OR2C1: variants seen among roughly 807,000 people sequenced by gnomAD.
OR2C1 encodes olfactory receptor 2C1.
For missense variants in OR2C1, 468 were observed against 388.3 expected (o/e 1.21, Z -1.73); for synonymous variants, 209 against 167.3 (o/e 1.25, Z -1.92).
the OR2C1 span, among the ~76,000 whole-genome samples, chr16:3,349,947 G>A: frequency 1.3e-5 from 2 of 151,936 alleles, no homozygotes; most frequent in South Asian, 2.1e-4. Flanking sequence ...TAGGCGAAAG[G>A]TTGGCGGTGA....
the OR2C1 span, among the ~76,000 whole-genome samples, chr16:3,340,186 G>A: frequency 6.6e-6 from 1 of 151,984 alleles, no homozygotes; most frequent in Non-Finnish European, 1.5e-5. Flanking sequence ...GGCTGAGGTG[G>A]GAGAATTGCT....
chr16:3,355,075 C>G (rs143329555), upstream of OR2C1, among the ~76,000 whole-genome samples: 40 of 152,240 alleles, frequency 2.6e-4, no homozygotes, highest in South Asian at 1.0e-3. Context: ...TGAGGCACTT[C>G]CTTCATTTCC....
At chr16:3,349,358 G>A in the OR2C1 span, among the ~76,000 whole-genome samples, 99 of 150,984 alleles carry the variant, frequency 6.6e-4, 1 homozygote, top group East Asian at 0.013. Flanking sequence ...TTGTGCGGGC[G>A]TGGAGATCTA....
At position 3,357,048 on chromosome 16, in the gene OR2C1, C is replaced by T. The variant is rs1596415472; in HGVS notation, c.*169C>T. The T allele has an allele frequency of 2.1e-5, 13 of 632,748 alleles. 1 individual carries two copies. In the East Asian group the frequency reaches 3.1e-4, roughly 15 times the overall value. The allele number at this position is 632,748 out of a possible 1,614,324, so 39.2% of individuals were successfully genotyped here. A position where few individuals can be genotyped will look rare whatever the true frequency, so the allele number is the denominator to read the frequency against. On this transcript the variant is annotated 3_prime_UTR_variant, in exon 1 of 1. Transcript: ENST00000304936. ...TGTTGGGAACATGGTTAGTGTTATT[C>T]GTAATGTTCTACACTTATTTACCAA...
chr16:3,332,662 A>T, the OR2C1 span, among the ~76,000 whole-genome samples: 1 of 151,832 alleles, frequency 6.6e-6, no homozygotes, highest in East Asian at 1.9e-4. Context: ...TCCATCTGTG[A>T]TGCTACAAAT....
the OR2C1 span, among the ~76,000 whole-genome samples, chr16:3,350,598 A>G: frequency 6.7e-6 from 1 of 148,720 alleles, no homozygotes; most frequent in Admixed American, 6.8e-5. Flanking sequence ...TTTTTACTGG[A>G]GACGGGGTTT....
the OR2C1 span, among the ~76,000 whole-genome samples, chr16:3,349,762 C>T: frequency 2.6e-4 from 39 of 151,816 alleles, no homozygotes; most frequent in African/African-American, 8.9e-4. Context: ...GGGGGCCAGG[C>T]GTGGTGGTAC....
At chr16:3,344,006 G>A in the OR2C1 span, among the ~76,000 whole-genome samples, 2 of 152,046 alleles carry the variant, frequency 1.3e-5, no homozygotes, top group African/African-American at 4.8e-5. Context: ...ATCACTTGAG[G>A]TCAGGAGTTT....
the OR2C1 span, among the ~76,000 whole-genome samples, chr16:3,336,708 C>CTTTTT: frequency 1.0e-3 from 95 of 93,750 alleles, 1 homozygote; most frequent in Non-Finnish European, 1.2e-3. Context: ...TTCTTTCTTT[C>CTTTTT]TTTCTTTTTT....
At chr16:3,324,734 A>T in the OR2C1 span, among the ~76,000 whole-genome samples, 38 of 152,006 alleles carry the variant, frequency 2.5e-4, no homozygotes, top group African/African-American at 8.0e-4. Context: ...CTGCAGGTGC[A>T]TGCCATCACA....
the OR2C1 span, among the ~76,000 whole-genome samples, chr16:3,339,414 T>A: frequency 6.6e-6 from 1 of 152,278 alleles, no homozygotes; most frequent in Non-Finnish European, 1.5e-5. Flanking sequence ...ATTCTGTTTA[T>A]TTTTTGAGAA....
the OR2C1 span, among the ~76,000 whole-genome samples, chr16:3,347,159 A>G: frequency 6.7e-6 from 1 of 149,090 alleles, no homozygotes; most frequent in Non-Finnish European, 1.5e-5. Flanking sequence ...AGGCAGGTGA[A>G]TCACTTGAAC....
Position 3,356,637 on chromosome 16 carries a change from G to T in OR2C1, c.697G>T (p.Gly233Trp), listed in dbSNP as rs750923533. Residue 233 changes from glycine to tryptophan, a missense_variant, in exon 1 of 1, where the codon GGG becomes TGG. Gly to Trp is a radical substitution (Grantham distance 184). Transcript: ENST00000304936. ...AGTGCTGAAAATCCGCTCTGCAGAG[G>T]GGAGGCGAAAGGCGTTCAATACGTG... ...QAVLKIRSAE[G>W]RRKAFNTCLS... is the part of the protein sequence containing the mutation. 1.2e-6 allele frequency: 2 copies of T among 1,614,146 alleles called. No individual in the cohort carries two copies. The highest frequency in any genetic ancestry group is 3.3e-5 in the Admixed American group (2 of 60,012).
At chr16:3,325,461 ATATATATAT>A in the OR2C1 span, among the ~76,000 whole-genome samples, 1 of 76,578 alleles carries the variant, frequency 1.3e-5, no homozygotes, top group African/African-American at 3.4e-5. Context: ...ATGTCTAAAA[ATATATATAT>A]ATATATATAT....
At position 3,355,936 on chromosome 16, in the gene OR2C1, C is replaced by T. The variant is rs2030658703; in HGVS notation, c.-5C>T. ...AATTCATCAAGTGACTGAAGACAAC[C>T]AGTGATGGACGGGGTGAATGATAGC... On this transcript the variant is annotated 5_prime_UTR_variant, in exon 1 of 1. Coordinates refer to ENST00000304936, the MANE Select transcript of OR2C1 (RefSeq NM_012368.3). 1 of 1,585,716 alleles carries T rather than the reference C, an allele frequency of 6.3e-7. No individual in the cohort carries two copies. Among genetic ancestry groups the T allele is most frequent in the Non-Finnish European group, 8.6e-7 (1 of 1,163,906 alleles).
rs62000974 is a variant in OR2C1, at chr16:3,356,564, A to G, written c.624A>G (p.Ala208=). ...VLNGVCTFFT[A]VPLSIIVISY... ...ATGGTGTCTGCACCTTCTTCACTGCAGTCCCACTAAGCATCATCGTGATCT... is the reference window on the plus strand; with the variant it reads ...ATGGTGTCTGCACCTTCTTCACTGCGGTCCCACTAAGCATCATCGTGATCT... The change falls in exon 1 of 1, where the codon GCA becomes GCG. Residue 208 remains alanine (A), a synonymous_variant. Transcript: ENST00000304936. 6.2e-7 allele frequency: 1 copy of G among 1,614,092 alleles called. No individual in the cohort carries two copies. Among genetic ancestry groups the G allele is most frequent in the South Asian group, 1.1e-5 (1 of 91,096 alleles).
chr16:3,356,981 C>T lies in OR2C1; in HGVS notation c.*102C>T. The T allele has an allele frequency of 9.6e-7, 1 of 1,040,158 alleles. No homozygotes were observed. The highest frequency in any genetic ancestry group is 1.7e-5 in the South Asian group (1 of 59,184). 64.4% of individuals were successfully genotyped at this position (1,040,158 alleles called of 1,614,324 possible). On this transcript the variant is annotated 3_prime_UTR_variant, in exon 1 of 1. Coordinates refer to ENST00000304936, the MANE Select transcript of OR2C1 (RefSeq NM_012368.3). ...ATGAGGAATACTAATTCCGGTAAAA[C>T]CAAGGCATGTTCCTGACAGCCCTAA...
the OR2C1 span, among the ~76,000 whole-genome samples, chr16:3,326,097 A>AT: frequency 6.6e-6 from 1 of 151,792 alleles, no homozygotes; most frequent in Admixed American, 6.6e-5. Context: ...AGCCTGGCTA[A>AT]TTTTTTTATT....
At chr16:3,354,806 C>G (rs2030633377), upstream of OR2C1, among the ~76,000 whole-genome samples, 1 of 152,132 alleles carries the variant, frequency 6.6e-6, no homozygotes, top group Non-Finnish European at 1.5e-5. Flanking sequence ...TAGGGTCTCC[C>G]TCTGTCACTC....
Sources: allele counts gnomAD v4.1 joint callset (sites outside exome capture counted in the v4.1 genomes callset), GRCh38; gene constraint gnomAD v4.1.1; transcripts MANE v1.5; gene names NCBI Gene and HGNC (gene_info 2026-07-23, HGNC 2026-07-21).